TBX1: variants seen among roughly 807,000 people sequenced by gnomAD.
TBX1 encodes the protein T-box transcription factor TBX1.
Under a neutral mutation model 40.8 loss-of-function variants are expected in TBX1, and 16 were observed. That is an observed-to-expected ratio of 0.39 (90% CI 0.27 to 0.60). The LOEUF is 0.60. Ranked by LOEUF, TBX1 falls within the 20% of genes least tolerant of loss-of-function variation. TBX1 has a pLI of 0.51. For synonymous variants in TBX1, 403 were observed against 336.8 expected, an observed-to-expected ratio of 1.20 and a Z score of -2.15; for missense variants, 755 against 728.5, an observed-to-expected ratio of 1.04 and a Z score of -0.42.
At chr22:19,757,616 ACACAGG>A (rs1366653060), upstream of TBX1, among the ~76,000 whole-genome samples, 1 of 152,146 alleles carries the variant, frequency 6.6e-6, no homozygotes, top group Non-Finnish European at 1.5e-5. Flanking sequence ...CAGACTGCCA[ACACAGG>A]CACGTCTCCT....
chr22:19,767,192 CG>C lies in TBX1; in HGVS notation c.*326del, dbSNP rs544636729. 3.8e-5 allele frequency: 42 copies of C among 1,112,160 alleles called. No individual in the cohort carries two copies. The South Asian group carries it at 1.2e-3, about 31-fold the overall frequency. 68.9% of individuals were successfully genotyped at this position (1,112,160 alleles called of 1,614,324 possible). The stretch of plus-strand genomic sequence containing the variant: ...ATATTTATTGTTCTCCCCGAGACCG[CG>C]TCGCCCGCGGCCCGGCCGGCAGTTG... On this transcript the variant is annotated 3_prime_UTR_variant, in exon 7 of 7. Transcript: ENST00000649276.
intron 6 of TBX1, 37 bp downstream of exon 6, chr22:19,766,039 G>C: frequency 6.9e-7 from 1 of 1,456,152 alleles, no homozygotes; most frequent in Non-Finnish European, 9.0e-7. Flanking sequence ...TTCCGGCCCT[G>C]TGCGCGCTCT....
At chr22:19,758,467 T>C (rs1936535298), upstream of TBX1, among the ~76,000 whole-genome samples, 1 of 152,208 alleles carries the variant, frequency 6.6e-6, no homozygotes, top group African/African-American at 2.4e-5. Context: ...AAGTCAGGCC[T>C]TGGCGTCTGG....
chr22:19,770,462 T>C (rs41299938), downstream of TBX1, among the ~76,000 whole-genome samples: 23 of 152,290 alleles, frequency 1.5e-4, no homozygotes, highest in African/African-American at 5.5e-4. Context: ...CAATGGGCAC[T>C]CCATTGCCCA....
In TBX1 at chr22:19,767,237, A is replaced by G. The variant is rs1384858069; in HGVS notation, c.*370A>G. The G allele has an allele frequency of 2.8e-6, 3 of 1,061,524 alleles. No homozygotes were observed. The highest frequency in any genetic ancestry group is 5.5e-5 in the Admixed American group (1 of 18,146). The allele number at this position is 1,061,524 out of a possible 1,614,324, so 65.8% of individuals were successfully genotyped here. A position where few individuals can be genotyped will look rare whatever the true frequency, so the allele number is the denominator to read the frequency against. On this transcript the variant is annotated 3_prime_UTR_variant, in exon 7 of 7. Coordinates refer to ENST00000649276, the MANE Select transcript of TBX1 (RefSeq NM_001379200.1). ...GCAGTTGCAGTGTAGACAGCCCGAG[A>G]GCCCCGCCTGCAGGCGGTGTAGATA...
chr22:19,764,455 G>C, intron 3 of TBX1, 129 bp downstream of exon 3: 1 of 1,219,088 alleles, frequency 8.2e-7, no homozygotes, highest in Non-Finnish European at 1.2e-6. Flanking sequence ...GGCTGTCCCC[G>C]AGGAGGCCCT....
chr22:19,782,931 C>T (rs759061263), downstream of TBX1: 11 of 1,611,180 alleles, frequency 6.8e-6, no homozygotes, highest in African/African-American at 1.2e-4. Context: ...ACAGAAGGCT[C>T]TGGGCTCCAA....
At chr22:19,769,530 C>T (rs561359232), downstream of TBX1, among the ~76,000 whole-genome samples, 4 of 152,244 alleles carry the variant, frequency 2.6e-5, no homozygotes, top group South Asian at 4.1e-4. Flanking sequence ...GCAAGACTGG[C>T]GCACGCCGCT....
Position 19,761,760 on chromosome 22 carries a change from T to C in TBX1, c.437+480T>C, listed in dbSNP as rs564251565. ...AAAGAGCGGCAGCCGGGCAACTCTC[T>C]GGACACTTTCAGGAGAGGATTACCC... On this transcript the variant is annotated intron_variant, in intron 1 of 6. Coordinates refer to ENST00000649276, the MANE Select transcript of TBX1 (RefSeq NM_001379200.1). Among the ~76,000 whole-genome samples, 34 of 152,366 alleles carry C rather than the reference T, an allele frequency of 2.2e-4. 1 individual carries two copies. In the South Asian group the frequency reaches 6.6e-3, roughly 30 times the overall value.
chr22:19,768,947 CGCATTCTTTTTTTTTT>C (rs945377626), downstream of TBX1, among the ~76,000 whole-genome samples: 8 of 84,866 alleles, frequency 9.4e-5, no homozygotes, highest in African/African-American at 2.9e-4. Flanking sequence ...CGGGGCTGTT[CGCATTCTTTTTTTTTT>C]TTTTTTTTTT....
rs1383720808 is a variant in TBX1 at position 19,760,975 on chromosome 22, C to A, written c.132C>A (p.Ala44=). The part of the protein sequence containing the change: ...GGFPGAASPG[A]DPYGPREPPP... ...TCCCGGGCGCCGCGTCGCCCGGCGC[C>A]GACCCGTACGGCCCGCGCGAGCCCC... Residue 44 remains alanine, a synonymous_variant, in exon 1 of 7, where the codon GCC becomes GCA. Coordinates refer to ENST00000649276, the MANE Select transcript of TBX1 (RefSeq NM_001379200.1). 1 of 972,886 alleles carries A rather than the reference C, an allele frequency of 1.0e-6. No individual in the cohort carries two copies. The highest frequency in any genetic ancestry group is 6.3e-5 in the Admixed American group (1 of 15,822). 60.3% of individuals were successfully genotyped at this position (972,886 alleles called of 1,614,324 possible). A position where few individuals can be genotyped will look rare whatever the true frequency, so the allele number is the denominator to read the frequency against.
At chr22:19,757,147 C>T (rs1178588773), upstream of TBX1, among the ~76,000 whole-genome samples, 1 of 151,562 alleles carries the variant, frequency 6.6e-6, no homozygotes, top group African/African-American at 2.4e-5. Flanking sequence ...TATAGGCAGC[C>T]GGTGGGGTAG....
intron 1 of TBX1, 91 bp from the exon 2 acceptor site, chr22:19,763,150 A>C (rs1473027221): frequency 2.0e-6 from 2 of 986,966 alleles, no homozygotes; most frequent in Non-Finnish European, 1.6e-6. Flanking sequence ...GGCTGGAGGG[A>C]GGGGCCGAGC....
intron 8 of TBX1, among the ~76,000 whole-genome samples, chr22:19,776,499 G>C (rs1366978036): frequency 6.6e-6 from 1 of 152,062 alleles, no homozygotes; most frequent in Non-Finnish European, 1.5e-5. Flanking sequence ...TCAGAGGCAG[G>C]ATCACCTCGG....
Position 19,764,311 on chromosome 22 carries a change from G to T in TBX1, c.696G>T (p.Leu232=). The change falls in exon 3 of 7, where the codon CTG becomes CTT. Residue 232 remains leucine (L), a synonymous_variant. Transcript: ENST00000649276. ...FDKLKLTNNL[L]DDNGHIILNS... ...AGCTCAAGCTGACCAACAACCTACTGGACGACAACGGCCACGTGAGCGACT... is the reference window on the plus strand; with the variant it reads ...AGCTCAAGCTGACCAACAACCTACTTGACGACAACGGCCACGTGAGCGACT... 6.2e-7 allele frequency: 1 copy of T among 1,612,440 alleles called. No homozygotes were observed. Among genetic ancestry groups the T allele is most frequent in the Non-Finnish European group, 8.5e-7 (1 of 1,179,934 alleles).
chr22:19,767,169 A>G lies in TBX1; in HGVS notation c.*302A>G. ...CCGGTCGGAGGCGGAAGGAAGTGAT[A>G]TTTATTGTTCTCCCCGAGACCGCGT... On this transcript the variant is annotated 3_prime_UTR_variant, in exon 7 of 7. Transcript: ENST00000649276. 2 of 1,172,356 alleles carry G rather than the reference A, an allele frequency of 1.7e-6. No homozygotes were observed. Among genetic ancestry groups the G allele is most frequent in the Non-Finnish European group, 2.1e-6 (2 of 948,424 alleles). 72.6% of individuals were successfully genotyped at this position (1,172,356 alleles called of 1,614,324 possible).
intron 8 of TBX1, among the ~76,000 whole-genome samples, chr22:19,778,615 A>G (rs550229987): frequency 6.6e-6 from 1 of 151,298 alleles, no homozygotes; most frequent in Admixed American, 6.6e-5. Flanking sequence ...TTGTATTTTC[A>G]GTAGAGACGG....
Position 19,765,085 on chromosome 22 carries a change from C to T in TBX1, c.839C>T (p.Thr280Ile), listed in dbSNP as rs750661825. 4 of 1,614,228 alleles carry T rather than the reference C, an allele frequency of 2.5e-6. No individual in the cohort carries two copies. The South Asian group carries it at 3.3e-5, about 13-fold the overall frequency. Residue 280 changes from threonine (T) to isoleucine (I), a missense_variant, in exon 4 of 7, where the codon ACC becomes ATC. By Grantham distance (89) the Thr-to-Ile change is moderately conservative (BLOSUM62 -1). This residue lies in a region of TBX1 where 144 missense variants were observed against 238.0 expected (regional missense o/e 0.61). Transcript: ENST00000649276. ...TTTGTGTTCGAGGAGACACGATTCA[C>T]CGCGGTCACTGCCTACCAGAACCAT... ...KTFVFEETRF[T>I]AVTAYQNHRI...
upstream of TBX1, among the ~76,000 whole-genome samples, chr22:19,756,991 C>A (rs1936501272): frequency 1.3e-5 from 2 of 152,082 alleles, no homozygotes; most frequent in African/African-American, 4.8e-5. Flanking sequence ...TCCTGCTGCG[C>A]GATGGAGGCG....
Sources: gnomAD v4.1 joint callset for allele counts (sites outside exome capture counted in the v4.1 genomes callset) on GRCh38, gnomAD v4.1.1 for gene constraint, gnomAD v4.1.1 regional missense constraint, MANE v1.5 for transcripts, NCBI Gene and HGNC (gene_info 2026-07-23, HGNC 2026-07-21) for gene names.